STYXL1: variants seen among roughly 807,000 people sequenced by gnomAD.
The protein encoded by STYXL1 is serine/threonine/tyrosine interacting like 1.
A neutral mutation model predicts 36.4 loss-of-function variants in STYXL1; 32 were observed. That is an observed-to-expected ratio of 0.88 (90% CI 0.66 to 1.18). STYXL1 has a LOEUF of 1.18. Among genes scored for constraint, STYXL1 ranks in the 50% most tolerant of loss-of-function variants. The pLI is 0.00. For synonymous variants in STYXL1, 133 were observed against 144.1 expected (o/e 0.92, Z 0.55); for missense variants, 354 against 394.1 (o/e 0.90, Z 0.86).
chr7:76,017,687 A>C (rs78711507), intron 4 of STYXL1, among the ~76,000 whole-genome samples: 1 of 151,130 alleles, frequency 6.6e-6, no homozygotes, highest in Non-Finnish European at 1.5e-5. Context: ...GGAGTTTGAG[A>C]CCAGCCTGGC....
In STYXL1 at chr7:76,040,107, A is replaced by T. The variant is rs146663598; in HGVS notation, c.-5+7555T>A. Among the ~76,000 whole-genome samples the T allele has an allele frequency of 1.3e-3, 202 of 152,242 alleles. 9 individuals are homozygous for T. In the South Asian group the frequency reaches 0.037, roughly 28 times the overall value. ...CTGAGAGGTGCCCTAGTGGTCCTGT[A>T]AGGGTAACAGGTCTGCTCATACGGC... On this transcript the variant is annotated intron_variant, in intron 1 of 8. Transcript: ENST00000359697.
At chr7:76,014,127 C>T (rs978319250) in intron 4 of STYXL1, among the ~76,000 whole-genome samples, 7 of 151,752 alleles carry the variant, frequency 4.6e-5, no homozygotes, top group African/African-American at 1.7e-4. Flanking sequence ...TACAGGCGCC[C>T]ACCATGCCTG....
intron 3 of STYXL1, among the ~76,000 whole-genome samples, chr7:76,027,084 A>G (rs1308750434): frequency 4.6e-5 from 7 of 151,882 alleles, no homozygotes; most frequent in Non-Finnish European, 8.8e-5. Context: ...AAAAAGAATA[A>G]AGAAAAGAAA....
Position 76,026,192 on chromosome 7 carries a change from CAAAAAAAAAAAAAAAAA to C in STYXL1, c.165+2433_165+2449del, listed in dbSNP as rs1159067824. Reference sequence around the variant, plus strand: ...GGAGGACAGAGCAAGACTCTGTCTCCAAAAAAAAAAAAAAAAAAAAAAAAAAAAAAAAAAAAAGCAGC... The same window carrying C: ...GGAGGACAGAGCAAGACTCTGTCTCCAAAAAAAAAAAAAAAAAAAAGCAGC... On this transcript the variant is annotated intron_variant, in intron 3 of 8. Coordinates refer to ENST00000359697, the MANE Select transcript of STYXL1 (RefSeq NM_001317785.2). 1.6e-3 allele frequency among the ~76,000 whole-genome samples: 30 copies of C among 18,618 alleles called. No individual in the cohort carries two copies. The East Asian group carries it at 0.016, about 10-fold the overall frequency. 12.2% of individuals were successfully genotyped at this position (18,618 alleles called of 152,430 possible). A position where few individuals can be genotyped will look rare whatever the true frequency, so the allele number is the denominator to read the frequency against.
intron 4 of STYXL1, among the ~76,000 whole-genome samples, chr7:76,014,828 G>A (rs1554573395): frequency 1.3e-5 from 2 of 152,050 alleles, no homozygotes; most frequent in African/African-American, 4.8e-5. Flanking sequence ...TGTATGTTGT[G>A]TATCACACAA....
intron 4 of STYXL1, among the ~76,000 whole-genome samples, chr7:76,016,163 T>C (rs780545273): frequency 2.6e-5 from 4 of 152,154 alleles, no homozygotes; most frequent in Non-Finnish European, 4.4e-5. Context: ...GATATAAGTA[T>C]ATACATATGT....
intron 1 of STYXL1, among the ~76,000 whole-genome samples, chr7:76,046,886 A>T (rs1554583897): frequency 6.9e-6 from 1 of 144,530 alleles, no homozygotes; most frequent in Non-Finnish European, 1.5e-5. Flanking sequence ...CCTGGCCTCA[A>T]GTGATCGGCC....
Position 76,008,199 on chromosome 7 carries a change from CAAAAAAAAAAAAA to C in STYXL1, c.454-2808_454-2796del, listed in dbSNP as rs60080805. 1.2e-3 allele frequency among the ~76,000 whole-genome samples: 42 copies of C among 33,746 alleles called. 2 individuals carry two copies. In the South Asian group the frequency reaches 0.041, roughly 33 times the overall value. 22.1% of individuals were successfully genotyped at this position (33,746 alleles called of 152,430 possible). A position where few individuals can be genotyped will look rare whatever the true frequency, so the allele number is the denominator to read the frequency against. On this transcript the variant is annotated intron_variant, in intron 5 of 8. Coordinates refer to ENST00000359697, the MANE Select transcript of STYXL1 (RefSeq NM_001317785.2). ...GGGCAACAAGAGCAAAACTCCATCTCAAAAAAAAAAAAAAAAAAAAAAAAAAAAAAATCTCAAA... is the reference window on the plus strand; with the variant it reads ...GGGCAACAAGAGCAAAACTCCATCTCAAAAAAAAAAAAAAAAAATCTCAAA...
chr7:76,020,917 CT>C (rs1793977230), intron 4 of STYXL1, among the ~76,000 whole-genome samples: 2 of 152,082 alleles, frequency 1.3e-5, no homozygotes, highest in African/African-American at 4.8e-5. Flanking sequence ...TCCCCATAAA[CT>C]TTGTGAAATC....
At position 76,013,820 on chromosome 7, in the gene STYXL1, G is replaced by A; in HGVS notation, c.375C>T (p.Tyr125=). The A allele has an allele frequency of 6.2e-7, 1 of 1,614,074 alleles. No individual in the cohort carries two copies. The highest frequency in any genetic ancestry group is 8.5e-7 in the Non-Finnish European group (1 of 1,180,004). ...ILTRLTHHPV[Y]ILKGGYERFS... ...AGCGCTCATAGCCCCCTTTCAGGAT[G>A]TAGACGGGGTGGTGGGTGAGGCGGG... The change falls in exon 5 of 9, where the codon TAC becomes TAT. Residue 125 remains tyrosine (Y), a synonymous_variant. Coordinates refer to ENST00000359697, the MANE Select transcript of STYXL1 (RefSeq NM_001317785.2).
chr7:76,008,092 G>A lies in STYXL1; in HGVS notation c.454-2688C>T, dbSNP rs376430231. On this transcript the variant is annotated intron_variant, in intron 5 of 8. Transcript: ENST00000359697. ...TGCACGCCTGTAATCCCAGCTACTC[G>A]GGAGGCTGGGGCAGGAGAATCACTT... Among the ~76,000 whole-genome samples, 13 of 149,644 alleles carry A rather than the reference G, an allele frequency of 8.7e-5. No individual in the cohort carries two copies. The East Asian group carries it at 1.0e-3, about 11-fold the overall frequency.
chr7:76,017,880 A>AAAAAAAAAAAAAAAAAAAAAAAC, intron 4 of STYXL1, among the ~76,000 whole-genome samples: 1 of 147,520 alleles, frequency 6.8e-6, no homozygotes, highest in South Asian at 2.1e-4. Context: ...AAAAAAAAAA[A>AAAAAAAAAAAAAAAAAAAAAAAC]AGGCAAGACA....
intron 1 of STYXL1, among the ~76,000 whole-genome samples, chr7:76,041,640 G>T (rs1796484719): frequency 6.6e-6 from 1 of 152,202 alleles, no homozygotes; most frequent in South Asian, 2.1e-4. Flanking sequence ...AAGCCGACCA[G>T]ATGCAGCTAC....
intron 6 of STYXL1, 50 bp downstream of exon 6, chr7:76,005,206 ATAT>A: frequency 1.9e-6 from 2 of 1,035,614 alleles, no homozygotes; most frequent in Non-Finnish European, 2.5e-6. Context: ...ATAAATTTAA[ATAT>A]TATATAAAAA....
chr7:76,037,253 T>C (rs1796005677), intron 1 of STYXL1, among the ~76,000 whole-genome samples: 1 of 150,338 alleles, frequency 6.7e-6, no homozygotes, highest in South Asian at 2.2e-4. Flanking sequence ...CAAAGACACT[T>C]ACTGTCAAGA....
chr7:76,009,609 C>T (rs1792305034), intron 5 of STYXL1, among the ~76,000 whole-genome samples: 1 of 152,182 alleles, frequency 6.6e-6, no homozygotes, highest in Non-Finnish European at 1.5e-5. Flanking sequence ...TGGGGTTTCA[C>T]CATGTTGGCC....
chr7:76,032,116 G>T (rs1038219156), intron 1 of STYXL1, among the ~76,000 whole-genome samples: 2 of 151,964 alleles, frequency 1.3e-5, no homozygotes, highest in Non-Finnish European at 2.9e-5. Context: ...AATTAGCTGG[G>T]CATGGTGGTA....
chr7:76,032,416 A>AAGG (rs1795468683), intron 1 of STYXL1, among the ~76,000 whole-genome samples: 4 of 140,070 alleles, frequency 2.9e-5, no homozygotes, highest in Non-Finnish European at 6.2e-5. Flanking sequence ...AAAAAAAAAG[A>AAGG]AGGAGGAGGA....
intron 6 of STYXL1, 151 bp downstream of exon 6, chr7:76,005,108 G>A (rs1791493131): frequency 3.5e-6 from 1 of 286,922 alleles, no homozygotes; most frequent in Admixed American, 5.9e-5. Flanking sequence ...CATGGCACAT[G>A]TATACATATG....
Sources: gnomAD v4.1 joint callset for allele counts (sites outside exome capture counted in the v4.1 genomes callset) on GRCh38, gnomAD v4.1.1 for gene constraint, MANE v1.5 for transcripts, NCBI Gene and HGNC (gene_info 2026-07-23, HGNC 2026-07-21) for gene names.